Variants in RIMBP2 observed in about 807,000 individuals in gnomAD.
RIMBP2 encodes RIMS binding protein 2, also known as RIMS-binding protein 2.
A neutral mutation model predicts 118.6 loss-of-function variants in RIMBP2; 48 were observed. That is an observed-to-expected ratio of 0.40 (90% CI 0.32 to 0.51). RIMBP2 has a LOEUF of 0.51. Ranked by LOEUF, RIMBP2 falls within the 20% of genes least tolerant of loss-of-function variation. The pLI, the probability that RIMBP2 is intolerant of heterozygous loss-of-function variation, is 0.41. For synonymous variants in RIMBP2, 762 were observed against 742.9 expected (o/e 1.03, Z -0.42); for missense variants, 1,551 against 1,768.3 (o/e 0.88, Z 2.20).
chr12:130,622,966 C>T lies in RIMBP2; in HGVS notation c.-217+5356G>A, dbSNP rs2061411911. Among the ~76,000 whole-genome samples, 1 of 152,232 alleles carries T rather than the reference C, an allele frequency of 6.6e-6. No individual in the cohort carries two copies. Among genetic ancestry groups the T allele is most frequent in the Non-Finnish European group, 1.5e-5 (1 of 68,044 alleles). ...TCATCTAACAGAGAAAATGAAAGAA[C>T]AGATGGCGTGGACTGAGGTCTGGGG... On this transcript the variant is annotated intron_variant, in intron 2 of 22. Coordinates refer to ENST00000690449, the MANE Select transcript of RIMBP2 (RefSeq NM_001393629.1). This position sits in a 1 kb window ranked among gnomAD's most constrained non-coding sequence, Gnocchi z 8.5.
chr12:130,667,088 G>A (rs2063970380), intron 1 of RIMBP2, among the ~76,000 whole-genome samples: 3 of 112,142 alleles, frequency 2.7e-5, no homozygotes, highest in African/African-American at 1.1e-4. Context: ...AAAAATGAGG[G>A]AGGGAGGATG....
At chr12:130,458,768 G>A (rs559953689) in intron 6 of RIMBP2, among the ~76,000 whole-genome samples, 1 of 152,316 alleles carries the variant, frequency 6.6e-6, no homozygotes, top group Admixed American at 6.5e-5. Flanking sequence ...AAATAGGCCA[G>A]GCACGGTGGC....
Position 130,442,789 on chromosome 12 carries a change from T to C in RIMBP2, c.692-129A>G. The C allele has an allele frequency of 1.4e-6, 1 of 736,090 alleles. No individual in the cohort carries two copies. The highest frequency in any genetic ancestry group is 2.2e-6 in the Non-Finnish European group (1 of 455,726). 45.6% of individuals were successfully genotyped at this position (736,090 alleles called of 1,614,324 possible). ...CAGGGTTGCCCTGGGGCTCCTCCGCTGTTCCCAGGAGTCCATGCTGGGGCC... is the reference window on the plus strand; with the variant it reads ...CAGGGTTGCCCTGGGGCTCCTCCGCCGTTCCCAGGAGTCCATGCTGGGGCC... On this transcript the variant is annotated intron_variant, in intron 10 of 22. Transcript: ENST00000690449. This position sits in a 1 kb window ranked among gnomAD's most constrained non-coding sequence, Gnocchi z 6.9.
intron 2 of RIMBP2, among the ~76,000 whole-genome samples, chr12:130,530,666 C>T (rs1270159765): frequency 6.6e-6 from 1 of 152,116 alleles, no homozygotes; most frequent in Non-Finnish European, 1.5e-5. Flanking sequence ...AGGATTCTGC[C>T]ACAAATGACA....
At chr12:130,458,064 C>G (rs2079606269) in intron 6 of RIMBP2, among the ~76,000 whole-genome samples, 1 of 149,634 alleles carries the variant, frequency 6.7e-6, no homozygotes, top group African/African-American at 2.5e-5. Context: ...GCAACAGCCC[C>G]CCACCTCCCC....
At chr12:130,693,740 A>G (rs547003643) in intron 1 of RIMBP2, among the ~76,000 whole-genome samples, 223 of 152,346 alleles carry the variant, frequency 1.5e-3, no homozygotes, top group African/African-American at 5.1e-3. Context: ...AGCTCCAACC[A>G]GTGAGTGTAA....
At chr12:130,563,038 A>G (rs1475555931) in intron 2 of RIMBP2, among the ~76,000 whole-genome samples, 1 of 152,220 alleles carries the variant, frequency 6.6e-6, no homozygotes, top group Non-Finnish European at 1.5e-5. Flanking sequence ...TTTCTAACTG[A>G]GGACTAAACC....
intron 19 of RIMBP2, among the ~76,000 whole-genome samples, chr12:130,408,156 G>C (rs1277176310): frequency 1.3e-5 from 2 of 152,226 alleles, no homozygotes; most frequent in African/African-American, 2.4e-5. Context: ...GCTTTGGCCA[G>C]CACGGGGAGG....
chr12:130,507,878 T>C (rs1219494020), intron 3 of RIMBP2, among the ~76,000 whole-genome samples: 1 of 152,190 alleles, frequency 6.6e-6, no homozygotes, highest in Non-Finnish European at 1.5e-5. Flanking sequence ...TCAAATACAT[T>C]CTGTACTGAG....
intron 1 of RIMBP2, among the ~76,000 whole-genome samples, chr12:130,656,693 CCTTTCTAAAATTTTTATGTTATTAA>C (rs1566432072): frequency 6.6e-6 from 1 of 152,070 alleles, no homozygotes. Context: ...CCAAACTTCC[CCTTTCTAAAATTTTTATGTTATTAA>C]CTTTCTAAAA....
At chr12:130,571,564 C>T (rs752742027) in intron 2 of RIMBP2, among the ~76,000 whole-genome samples, 12 of 152,022 alleles carry the variant, frequency 7.9e-5, no homozygotes, top group South Asian at 2.1e-4. Context: ...GAATTACAGG[C>T]GCCCGCCACC....
chr12:130,400,586 G>A (rs1310602166), intron 21 of RIMBP2, among the ~76,000 whole-genome samples: 3 of 152,088 alleles, frequency 2.0e-5, no homozygotes, highest in African/African-American at 7.2e-5. Flanking sequence ...GCTGGCTCTG[G>A]GCAACACGGA....
chr12:130,615,082 G>A (rs893240465), intron 2 of RIMBP2, among the ~76,000 whole-genome samples: 14 of 146,996 alleles, frequency 9.5e-5, no homozygotes, highest in African/African-American at 3.0e-4. Context: ...ATATATACAC[G>A]TGTATGTGTA....
intron 3 of RIMBP2, among the ~76,000 whole-genome samples, chr12:130,514,421 C>T (rs2051229106): frequency 6.6e-6 from 1 of 152,268 alleles, no homozygotes. Flanking sequence ...GAGGCCTTTG[C>T]CTCTGTTGTG....
chr12:130,555,292 T>G (rs1012118752), intron 2 of RIMBP2, among the ~76,000 whole-genome samples: 4 of 152,036 alleles, frequency 2.6e-5, no homozygotes, highest in Non-Finnish European at 5.9e-5. Context: ...AATGGTAAAT[T>G]TAAAAAATAA....
chr12:130,580,357 A>T (rs1201396074), intron 2 of RIMBP2, among the ~76,000 whole-genome samples: 1 of 152,128 alleles, frequency 6.6e-6, no homozygotes, highest in Non-Finnish European at 1.5e-5. Flanking sequence ...CATGGTGGTG[A>T]ATAAGTCTCA....
At chr12:130,573,542 G>A (rs939579601) in intron 2 of RIMBP2, among the ~76,000 whole-genome samples, 11 of 152,106 alleles carry the variant, frequency 7.2e-5, no homozygotes, top group Non-Finnish European at 1.3e-4. Flanking sequence ...ATGTATTAGC[G>A]ATTCTCTGAG....
At chr12:130,565,501 G>A (rs1441969981) in intron 2 of RIMBP2, among the ~76,000 whole-genome samples, 1 of 152,144 alleles carries the variant, frequency 6.6e-6, no homozygotes, top group Admixed American at 6.5e-5. Context: ...CTGGAAAAGA[G>A]GTGGGCTCAA....
Position 130,479,014 on chromosome 12 carries a change from A to G in RIMBP2, c.-1T>C, listed in dbSNP as rs774175549. The G allele has an allele frequency of 1.9e-6, 3 of 1,613,038 alleles. No homozygotes were observed. Among genetic ancestry groups the G allele is most frequent in the Non-Finnish European group, 2.5e-6 (3 of 1,179,422 alleles). On this transcript the variant is annotated splice_region_variant and 5_prime_UTR_variant, in exon 5 of 23. Coordinates refer to ENST00000690449, the MANE Select transcript of RIMBP2 (RefSeq NM_001393629.1). ...GCCGCCGTTCAGCCGCCTCTCGCATATGCTGTGGGGACAGAGAGAGGCCTG... is the reference window on the plus strand; with the variant it reads ...GCCGCCGTTCAGCCGCCTCTCGCATGTGCTGTGGGGACAGAGAGAGGCCTG...
Sources: allele counts gnomAD v4.1 joint callset (sites outside exome capture counted in the v4.1 genomes callset), GRCh38; gene constraint gnomAD v4.1.1; non-coding constraint Gnocchi (gnomAD v3.1); transcripts MANE v1.5; gene names NCBI Gene and HGNC (gene_info 2026-07-23, HGNC 2026-07-21).